Variants in REC114 observed in about 807,000 individuals in gnomAD.
The protein encoded by REC114 is REC114 meiotic recombination protein.
Under a neutral mutation model 31.3 loss-of-function variants are expected in REC114, and 27 were observed. The ratio of observed to expected loss-of-function variants is 0.86; its 90% confidence interval spans 0.64 to 1.19. The LOEUF is 1.19. REC114 is among the 50% of genes most tolerant of loss of function. REC114 has a pLI of 0.00. For missense variants in REC114, 344 were observed against 326.9 expected (o/e 1.05, Z -0.40); for synonymous variants, 134 against 127.7 (o/e 1.05, Z -0.33).
chr15:73,451,904 G>A (rs950604677), intron 1 of REC114, among the ~76,000 whole-genome samples: 2 of 152,170 alleles, frequency 1.3e-5, no homozygotes, highest in African/African-American at 4.8e-5. Flanking sequence ...CTCAATAGAT[G>A]CAGAAAAGGC....
intron 2 of REC114, among the ~76,000 whole-genome samples, chr15:73,492,267 C>T (rs1392589960): frequency 6.6e-6 from 1 of 152,154 alleles, no homozygotes; most frequent in Non-Finnish European, 1.5e-5. Context: ...ATACAGGACT[C>T]TCCTGTCTGC....
chr15:73,499,743 A>G (rs1446638749), intron 2 of REC114, among the ~76,000 whole-genome samples: 1 of 152,140 alleles, frequency 6.6e-6, no homozygotes, highest in African/African-American at 2.4e-5. Flanking sequence ...TGATCTAGTC[A>G]TGGCCTGACT....
At chr15:73,479,194 T>G (rs998846588) in intron 2 of REC114, among the ~76,000 whole-genome samples, 2 of 144,726 alleles carry the variant, frequency 1.4e-5, no homozygotes, top group African/African-American at 2.5e-5. Context: ...TAGCTGTAGG[T>G]TTTTTTTTTT....
At chr15:73,529,459 A>G (rs1341773829) in intron 2 of REC114, among the ~76,000 whole-genome samples, 1 of 152,116 alleles carries the variant, frequency 6.6e-6, no homozygotes, top group African/African-American at 2.4e-5. Context: ...TTTTAGAGAT[A>G]GATTCTGAAA....
intron 2 of REC114, among the ~76,000 whole-genome samples, chr15:73,475,589 G>A (rs369098892): frequency 5.3e-5 from 8 of 152,102 alleles, no homozygotes; most frequent in East Asian, 1.9e-4. Flanking sequence ...TTAAGTTATT[G>A]TAAAACAGTC....
intron 2 of REC114, among the ~76,000 whole-genome samples, chr15:73,490,539 T>C: frequency 6.6e-6 from 1 of 151,998 alleles, no homozygotes. Flanking sequence ...TGAGACCCTA[T>C]CTGTACAAAA....
At chr15:73,474,038 A>T (rs530063605) in intron 2 of REC114, 117 bp downstream of exon 2, 104 of 702,266 alleles carry the variant, frequency 1.5e-4, no homozygotes, top group Non-Finnish European at 2.3e-4. Flanking sequence ...AGGTCAACAC[A>T]TTAAGCATTT....
intron 2 of REC114, among the ~76,000 whole-genome samples, chr15:73,484,579 C>G (rs145168135): frequency 0.014 from 2,149 of 152,280 alleles, 21 homozygotes; most frequent in African/African-American, 0.021. Flanking sequence ...AAAGATCTAC[C>G]TTTTGTCAGC....
chr15:73,470,200 T>C (rs1893115706), intron 1 of REC114, among the ~76,000 whole-genome samples: 1 of 152,166 alleles, frequency 6.6e-6, no homozygotes. Flanking sequence ...TTCCCATCTG[T>C]TCTTTGTTCC....
rs566714724 is a variant in REC114, at chr15:73,461,289, C to A, written c.160-12543C>A. 1.2e-3 allele frequency among the ~76,000 whole-genome samples: 181 copies of A among 152,210 alleles called. 1 individual carries two copies. The highest frequency in any genetic ancestry group is 4.1e-3 in the African/African-American group (172 of 41,512). On this transcript the variant is annotated intron_variant, in intron 1 of 5. Coordinates refer to ENST00000331090, the MANE Select transcript of REC114 (RefSeq NM_001042367.2). The stretch of plus-strand genomic sequence containing the variant: ...AAGTTTGTTGAAATAATTTATGAGA[C>A]TCTTGCTACCAAGAGTCAGTGGGAA...
rs116079365 is a variant in REC114, at chr15:73,446,954, G to A, written c.159+3610G>A. ...AGATCATTTAGAATGCTATTGCAGT[G>A]TTATAGGCAAGAGATGATGATGGCT... is the stretch of plus-strand genomic sequence containing the variant. On this transcript the variant is annotated intron_variant, in intron 1 of 5. Coordinates refer to ENST00000331090, the MANE Select transcript of REC114 (RefSeq NM_001042367.2). 4.2e-3 allele frequency among the ~76,000 whole-genome samples: 639 copies of A among 152,306 alleles called. 2 individuals are homozygous for A. The highest frequency in any genetic ancestry group is 0.015 in the African/African-American group (606 of 41,562).
intron 2 of REC114, among the ~76,000 whole-genome samples, chr15:73,507,352 AATTATGAGATT>A (rs1893693696): frequency 6.6e-6 from 1 of 152,286 alleles, no homozygotes; most frequent in East Asian, 1.9e-4. Flanking sequence ...AACTTTCTCA[AATTATGAGATT>A]TTTTTTTTAA....
intron 2 of REC114, among the ~76,000 whole-genome samples, chr15:73,501,306 G>A (rs1893601367): frequency 6.6e-6 from 1 of 152,114 alleles, no homozygotes; most frequent in Non-Finnish European, 1.5e-5. Context: ...ACAATTTAAG[G>A]CAAGGTGCAT....
intron 2 of REC114, among the ~76,000 whole-genome samples, chr15:73,507,573 C>G (rs1893698324): frequency 6.6e-6 from 1 of 151,940 alleles, no homozygotes; most frequent in Non-Finnish European, 1.5e-5. Flanking sequence ...GATTTACTTT[C>G]TAAAATATTT....
chr15:73,491,242 G>GTGTATTATCTTAATTTTTTGTATTATCTT (rs1893439118), intron 2 of REC114, among the ~76,000 whole-genome samples: 2 of 151,428 alleles, frequency 1.3e-5, no homozygotes, highest in Non-Finnish European at 2.9e-5. Context: ...TACTATCTTT[G>GTGTATTATCTTAATTTTTTGTATTATCTT]TGTATTATCT....
rs1035242824 is a variant in REC114, at chr15:73,448,488, A to G, written c.159+5144A>G. ...GGCAGGGCATCTCTGAAAAAAAGGC[A>G]GCAGCCCAGTCAGGGACTTATAGAT... On this transcript the variant is annotated intron_variant, in intron 1 of 5. Coordinates refer to ENST00000331090, the MANE Select transcript of REC114 (RefSeq NM_001042367.2). Among the ~76,000 whole-genome samples the G allele has an allele frequency of 1.8e-4, 28 of 152,220 alleles. 1 individual carries two copies. Among genetic ancestry groups the G allele is most frequent in the Non-Finnish European group, 1.5e-5 (1 of 68,032 alleles).
At position 73,518,144 on chromosome 15, in the gene REC114, T is replaced by A. The variant is rs140841229; in HGVS notation, c.250-22341T>A. ...ATAGGGAAATTTGGATAATGAGCAG[T>A]TAAAGAAATGAATTACGTTTGCTAT... On this transcript the variant is annotated intron_variant, in intron 2 of 5. Transcript: ENST00000331090. 2.6e-4 allele frequency among the ~76,000 whole-genome samples: 40 copies of A among 152,386 alleles called. No individual in the cohort carries two copies. In the East Asian group the frequency reaches 7.1e-3, roughly 27 times the overall value.
intron 2 of REC114, among the ~76,000 whole-genome samples, chr15:73,532,519 C>G (rs1894099735): frequency 6.6e-6 from 1 of 151,230 alleles, no homozygotes; most frequent in African/African-American, 2.4e-5. Flanking sequence ...ATGGCTGGGT[C>G]AAATGGTATT....
At chr15:73,447,716 G>A (rs1025399876) in intron 1 of REC114, among the ~76,000 whole-genome samples, 10 of 151,900 alleles carry the variant, frequency 6.6e-5, no homozygotes, top group African/African-American at 2.4e-4. Context: ...TAGCCGAATA[G>A]GAACAGCTCC....
Sources: allele counts gnomAD v4.1 joint callset (sites outside exome capture counted in the v4.1 genomes callset), GRCh38; gene constraint gnomAD v4.1.1; transcripts MANE v1.5; gene names NCBI Gene and HGNC (gene_info 2026-07-23, HGNC 2026-07-21).